Variants in KDM3B observed in about 807,000 individuals in gnomAD.
KDM3B encodes lysine-specific demethylase 3B.
Under a neutral mutation model 170.0 loss-of-function variants are expected in KDM3B, and 10 were observed. That is an observed-to-expected ratio of 0.06 (90% CI 0.04 to 0.10). The LOEUF (loss-of-function observed/expected upper bound fraction) is 0.10, where lower values mean the gene tolerates loss of function less well. KDM3B is among the 10% of genes least tolerant of loss of function. The pLI is 1.00. For missense variants in KDM3B, 1,394 were observed against 2,195.2 expected, an observed-to-expected ratio of 0.64 and a Z score of 7.29; for synonymous variants, 831 against 834.8, an observed-to-expected ratio of 1.00 and a Z score of 0.08.
At chr5:138,375,354 T>TTTTTATTTTA (rs368616385) in intron 3 of KDM3B, 148 bp downstream of exon 3, 2 of 355,718 alleles carry the variant, frequency 5.6e-6, no homozygotes, top group African/African-American at 4.2e-5. Context: ...TGCTGTGCCT[T>TTTTTATTTTA]TTTTATTTTA....
intron 16 of KDM3B, among the ~76,000 whole-genome samples, chr5:138,424,721 G>A (rs760178822): frequency 2.2e-4 from 33 of 152,270 alleles, no homozygotes; most frequent in Non-Finnish European, 4.4e-4. Flanking sequence ...AGAGGGTGCG[G>A]TGAGCCAAGA....
At chr5:138,361,244 A>G (rs1342369129) in intron 1 of KDM3B, among the ~76,000 whole-genome samples, 1 of 151,776 alleles carries the variant, frequency 6.6e-6, no homozygotes, top group African/African-American at 2.4e-5. Context: ...CGAAAGCATC[A>G]TCTTTTGCTC....
intron 6 of KDM3B, among the ~76,000 whole-genome samples, chr5:138,382,735 A>G (rs533043571): frequency 6.6e-6 from 1 of 152,126 alleles, no homozygotes; most frequent in African/African-American, 2.4e-5. Flanking sequence ...CTCTCACCTA[A>G]GCCTCCCAAA....
chr5:138,420,078 A>G (rs1319069225), intron 14 of KDM3B, among the ~76,000 whole-genome samples: 3 of 152,054 alleles, frequency 2.0e-5, no homozygotes, highest in Non-Finnish European at 4.4e-5. Flanking sequence ...AATAGAGACG[A>G]GGTTTCTCCA....
intron 1 of KDM3B, among the ~76,000 whole-genome samples, chr5:138,353,266 G>A (rs564060572): frequency 6.6e-6 from 1 of 152,312 alleles, no homozygotes; most frequent in East Asian, 1.9e-4. Flanking sequence ...CCCTTTTCTC[G>A]GCGTTCCCCC....
At position 138,373,366 on chromosome 5, in the gene KDM3B, G is replaced by T. The variant is rs550479433; in HGVS notation, c.360+525G>T. The stretch of plus-strand genomic sequence containing the variant: ...AAAACAAAAAAAACAACAATGAAAA[G>T]AATTTTTTCACCTTTAGTCTTTTCT... On this transcript the variant is annotated intron_variant, in intron 2 of 23. Transcript: ENST00000314358. Among the ~76,000 whole-genome samples, 5 of 152,076 alleles carry T rather than the reference G, an allele frequency of 3.3e-5. No individual in the cohort carries two copies. In the East Asian group the frequency reaches 5.8e-4, roughly 18 times the overall value.
chr5:138,429,770 A>T (rs1467173733), intron 20 of KDM3B, 56 bp from the exon 21 acceptor site: 1 of 1,568,814 alleles, frequency 6.4e-7, no homozygotes, highest in African/African-American at 1.4e-5. Flanking sequence ...ATTTCATTTC[A>T]CTCAGTGGTA....
intron 15 of KDM3B, among the ~76,000 whole-genome samples, chr5:138,423,047 C>CTT (rs1222576636): frequency 6.6e-6 from 1 of 152,190 alleles, no homozygotes; most frequent in Non-Finnish European, 1.5e-5. Context: ...TCAAGCAAAT[C>CTT]TCCTGCCTTA....
At chr5:138,413,651 T>C (rs1279116067) in intron 11 of KDM3B, among the ~76,000 whole-genome samples, 1 of 152,190 alleles carries the variant, frequency 6.6e-6, no homozygotes, top group Non-Finnish European at 1.5e-5. Flanking sequence ...TTTTTGTTTT[T>C]GAGACAGGGT....
intron 22 of KDM3B, 86 bp from the exon 23 acceptor site, chr5:138,431,338 GT>G: frequency 8.8e-7 from 1 of 1,138,730 alleles, no homozygotes. Flanking sequence ...TTTCTCAAGG[GT>G]TTTTTTAACT....
rs905363646 is a variant in KDM3B, at chr5:138,424,070, G to A, written c.3973-5G>A. 7.8e-6 allele frequency: 12 copies of A among 1,543,624 alleles called. No homozygotes were observed. Among genetic ancestry groups the A allele is most frequent in the Non-Finnish European group, 1.1e-5 (12 of 1,142,416 alleles). On this transcript the variant is annotated splice_polypyrimidine_tract_variant and splice_region_variant and intron_variant, in intron 15 of 23. Transcript: ENST00000314358. Reference sequence around the variant, plus strand: ...AAGCTTACCTGGTGGATTTGTGTCTGGCAGGGAGTGAAGAGCAAGGCCAGC... The same window carrying A: ...AAGCTTACCTGGTGGATTTGTGTCTAGCAGGGAGTGAAGAGCAAGGCCAGC...
chr5:138,392,313 G>C (rs762071371), intron 8 of KDM3B, 52 bp downstream of exon 8: 1 of 1,438,868 alleles, frequency 6.9e-7, no homozygotes, highest in Admixed American at 2.4e-5. Context: ...GGGCTCAAAT[G>C]CCTGTCGTGT....
At chr5:138,388,663 A>T (rs1389942550) in intron 7 of KDM3B, among the ~76,000 whole-genome samples, 1 of 149,862 alleles carries the variant, frequency 6.7e-6, no homozygotes, top group African/African-American at 2.5e-5. Flanking sequence ...AAAAAAAAAA[A>T]AGGCTGGGCT....
At chr5:138,416,903 C>G (rs1185648192) in intron 12 of KDM3B, among the ~76,000 whole-genome samples, 3 of 152,162 alleles carry the variant, frequency 2.0e-5, no homozygotes, top group African/African-American at 7.2e-5. Flanking sequence ...TCACTGCAAC[C>G]TCTACCTCCT....
Position 138,352,861 on chromosome 5 carries a change from C to G in KDM3B, c.66C>G (p.Ala22=), listed in dbSNP as rs1190731236. Residue 22 remains alanine (A), a synonymous_variant, in exon 1 of 24, where the codon GCC becomes GCG. Coordinates refer to ENST00000314358, the MANE Select transcript of KDM3B (RefSeq NM_016604.4). ...RLLLLFADTA[A]SASASAPAAA... ...TGCTGCTGTTCGCGGACACTGCGGC[C>G]TCAGCCTCGGCCTCGGCTCCCGCGG... 7.3e-7 allele frequency: 1 copy of G among 1,377,980 alleles called. No homozygotes were observed. Among genetic ancestry groups the G allele is most frequent in the Non-Finnish European group, 9.4e-7 (1 of 1,062,708 alleles). The allele number at this position is 1,377,980 out of a possible 1,614,324, so 85.4% of individuals were successfully genotyped here.
In KDM3B at chr5:138,389,778, C is replaced by CTG. The variant is rs780753775; in HGVS notation, c.1381-1234_1381-1233insGT. On this transcript the variant is annotated intron_variant, in intron 7 of 23. Transcript: ENST00000314358. The stretch of plus-strand genomic sequence containing the variant: ...ATGGGTCTCTTCTCTCTCTCTCTCT[C>CTG]TCTCTGTGTGTGTGTGTGTGTGTGT... 1.3e-3 allele frequency among the ~76,000 whole-genome samples: 151 copies of CTG among 120,120 alleles called. 1 individual carries two copies. The highest frequency in any genetic ancestry group is 7.2e-3 in the South Asian group (25 of 3,452). The allele number at this position is 120,120 out of a possible 152,430, so 78.8% of individuals were successfully genotyped here.
Position 138,398,284 on chromosome 5 carries a change from G to A in KDM3B, c.2938G>A (p.Glu980Lys). 6.2e-7 allele frequency: 1 copy of A among 1,614,148 alleles called. No homozygotes were observed. The part of the protein sequence containing the change: ...NLWIPSSSLA[E>K]GIDLETSKYI... ...GTGGATTCCCTCTTCCTCCCTAGCA[G>A]AAGGGATAGATCTAGAGACCTCAAA... The change falls in exon 10 of 24, where the codon GAA becomes AAA. Residue 980 changes from glutamate (E) to lysine (K), a missense_variant. Transcript: ENST00000314358.
chr5:138,360,390 G>C (rs1343733413), intron 1 of KDM3B, among the ~76,000 whole-genome samples: 2 of 152,026 alleles, frequency 1.3e-5, no homozygotes, highest in African/African-American at 4.8e-5. Context: ...CTGTTTAATT[G>C]TGAGCCCGTC....
At chr5:138,377,693 G>T in intron 3 of KDM3B, 27 bp from the exon 4 acceptor site, 1 of 1,498,480 alleles carries the variant, frequency 6.7e-7, no homozygotes, top group Non-Finnish European at 9.3e-7. Flanking sequence ...TTAACATTCA[G>T]TTGTTTTCTT....
Sources: gnomAD v4.1 joint callset for allele counts (sites outside exome capture counted in the v4.1 genomes callset) on GRCh38, gnomAD v4.1.1 for gene constraint, MANE v1.5 for transcripts, NCBI Gene and HGNC (gene_info 2026-07-23, HGNC 2026-07-21) for gene names.